The following SDC2 variants were observed in gnomAD, a reference collection of about 807,000 sequenced individuals.
The protein encoded by SDC2 is syndecan 2.
Under a neutral mutation model 22.2 loss-of-function variants are expected in SDC2, and 13 were observed. That is an observed-to-expected ratio of 0.59 (90% CI 0.38 to 0.93). The LOEUF is 0.93. Ranked by LOEUF, SDC2 falls within the 40% of genes least tolerant of loss-of-function variation. The pLI is 0.00. For missense variants in SDC2, 235 were observed against 246.8 expected (o/e 0.95, Z 0.32); for synonymous variants, 94 against 92.8 (o/e 1.01, Z -0.07).
At chr8:96,509,538 A>C (rs1813298015) in intron 1 of SDC2, among the ~76,000 whole-genome samples, 1 of 141,554 alleles carries the variant, frequency 7.1e-6, no homozygotes, top group Non-Finnish European at 1.6e-5. Flanking sequence ...CATATTCTCC[A>C]TCACGGGTTT....
chr8:96,532,592 G>A (rs1178804078), intron 1 of SDC2, among the ~76,000 whole-genome samples: 3 of 151,966 alleles, frequency 2.0e-5, no homozygotes, highest in Non-Finnish European at 4.4e-5. Flanking sequence ...TTAGACATTA[G>A]ACTAAGAATG....
intron 3 of SDC2, among the ~76,000 whole-genome samples, chr8:96,605,690 GC>G (rs1287738845): frequency 6.6e-6 from 1 of 152,120 alleles, no homozygotes. Flanking sequence ...AGGGTTTCTT[GC>G]AATTTGGGAA....
At chr8:96,581,577 A>G (rs2130606012) in intron 1 of SDC2, among the ~76,000 whole-genome samples, 1 of 152,060 alleles carries the variant, frequency 6.6e-6, no homozygotes, top group African/African-American at 2.4e-5. Flanking sequence ...GGTTGCAGTG[A>G]GCCGAGATTG....
chr8:96,540,369 G>T (rs1398097687), intron 1 of SDC2, among the ~76,000 whole-genome samples: 1 of 81,612 alleles, frequency 1.2e-5, no homozygotes, highest in Admixed American at 1.2e-4. Flanking sequence ...AATTAGTCGG[G>T]TGTGGCAGTG....
At chr8:96,536,781 T>C (rs546592586) in intron 1 of SDC2, among the ~76,000 whole-genome samples, 1 of 152,304 alleles carries the variant, frequency 6.6e-6, no homozygotes, top group Admixed American at 6.5e-5. Flanking sequence ...CCAGGTAGGA[T>C]AGGGAATTCT....
intron 1 of SDC2, among the ~76,000 whole-genome samples, chr8:96,589,834 G>C (rs975592789): frequency 2.0e-5 from 3 of 152,182 alleles, no homozygotes; most frequent in African/African-American, 7.2e-5. Context: ...AGACACGGAC[G>C]TGGGCAGTGA....
At chr8:96,512,550 T>C (rs1181411352) in intron 1 of SDC2, among the ~76,000 whole-genome samples, 1 of 152,138 alleles carries the variant, frequency 6.6e-6, no homozygotes, top group Non-Finnish European at 1.5e-5. Flanking sequence ...GAGAGACCTT[T>C]ACCTCACTCC....
At chr8:96,504,795 G>A (rs1171243651) in intron 1 of SDC2, among the ~76,000 whole-genome samples, 1 of 152,022 alleles carries the variant, frequency 6.6e-6, no homozygotes, top group East Asian at 1.9e-4. Context: ...TTTTTATTTT[G>A]TATTTTTTTT....
Position 96,494,119 on chromosome 8 carries a change from C to A in SDC2, c.-153C>A, listed in dbSNP as rs1345889211. 6 of 709,690 alleles carry A rather than the reference C, an allele frequency of 8.5e-6. No homozygotes were observed. Among genetic ancestry groups the A allele is most frequent in the Non-Finnish European group, 1.3e-5 (6 of 449,628 alleles). 44.0% of individuals were successfully genotyped at this position (709,690 alleles called of 1,614,324 possible). A position where few individuals can be genotyped will look rare whatever the true frequency, so the allele number is the denominator to read the frequency against. On this transcript the variant is annotated 5_prime_UTR_variant, in exon 1 of 5. Coordinates refer to ENST00000302190, the MANE Select transcript of SDC2 (RefSeq NM_002998.4). Reference sequence around the variant, plus strand: ...CGCAGGAGGAGGAAGCGAGCGCCCCCGAGCCCCGAGCCCGAGTCCCCGAGC... The same window carrying A: ...CGCAGGAGGAGGAAGCGAGCGCCCCAGAGCCCCGAGCCCGAGTCCCCGAGC...
intron 3 of SDC2, among the ~76,000 whole-genome samples, chr8:96,607,687 C>T (rs944595350): frequency 6.6e-5 from 10 of 151,918 alleles, no homozygotes; most frequent in African/African-American, 2.4e-4. Flanking sequence ...TGTCCGAGAC[C>T]CAGTGAGTGT....
At chr8:96,537,025 A>G (rs1276190767) in intron 1 of SDC2, among the ~76,000 whole-genome samples, 4 of 152,212 alleles carry the variant, frequency 2.6e-5, no homozygotes, top group Admixed American at 2.0e-4. Flanking sequence ...ATTTATCTAT[A>G]TTATAAAATG....
chr8:96,590,288 C>T (rs1418880125), intron 1 of SDC2, among the ~76,000 whole-genome samples: 4 of 152,190 alleles, frequency 2.6e-5, no homozygotes, highest in African/African-American at 4.8e-5. Context: ...TAAACAGCCT[C>T]GTTATGACAC....
Position 96,564,360 on chromosome 8 carries a change from G to A in SDC2, c.61-29120G>A, listed in dbSNP as rs575525670. ...TTGAGTACTTTCAACTTTGCAGGGG[G>A]ATGGGATGTCCAAGGGTGAATGTGA... On this transcript the variant is annotated intron_variant, in intron 1 of 4. Transcript: ENST00000302190. Among the ~76,000 whole-genome samples the A allele has an allele frequency of 7.2e-5, 11 of 152,328 alleles. No individual in the cohort carries two copies. In the East Asian group the frequency reaches 1.9e-3, roughly 27 times the overall value.
intron 3 of SDC2, among the ~76,000 whole-genome samples, chr8:96,607,597 C>T (rs1815102659): frequency 6.6e-6 from 1 of 152,156 alleles, no homozygotes; most frequent in Non-Finnish European, 1.5e-5. Flanking sequence ...CTGCAGGCTG[C>T]TGGCTTGTTG....
intron 1 of SDC2, among the ~76,000 whole-genome samples, chr8:96,519,793 A>G (rs1813466729): frequency 6.6e-6 from 1 of 151,888 alleles, no homozygotes; most frequent in Non-Finnish European, 1.5e-5. Context: ...ACCTCCACGC[A>G]TGGCTCGGTT....
At chr8:96,544,620 A>C (rs887969533) in intron 1 of SDC2, among the ~76,000 whole-genome samples, 7 of 151,908 alleles carry the variant, frequency 4.6e-5, no homozygotes, top group African/African-American at 1.5e-4. Context: ...ATTCCTCCCT[A>C]CAAGATTGTG....
intron 1 of SDC2, among the ~76,000 whole-genome samples, chr8:96,497,844 T>C (rs1285352561): frequency 1.3e-5 from 2 of 152,214 alleles, no homozygotes; most frequent in African/African-American, 4.8e-5. Flanking sequence ...AGATTGTCCT[T>C]CTTCCATTGC....
Position 96,495,121 on chromosome 8 carries a change from G to A in SDC2, c.60+790G>A, listed in dbSNP as rs531594160. ...TAGGAGTTACACGGGAGTGCCGCAA[G>A]CAGGGCGAGGCGGGGTACGTGTGAC... On this transcript the variant is annotated intron_variant, in intron 1 of 4. Transcript: ENST00000302190. Among the ~76,000 whole-genome samples, 11 of 152,264 alleles carry A rather than the reference G, an allele frequency of 7.2e-5. No individual in the cohort carries two copies. In the East Asian group the frequency reaches 1.9e-3, roughly 27 times the overall value.
At chr8:96,593,904 T>C (rs1026183576) in intron 2 of SDC2, among the ~76,000 whole-genome samples, 4 of 152,186 alleles carry the variant, frequency 2.6e-5, no homozygotes, top group African/African-American at 9.7e-5. Flanking sequence ...GCTTGGCACA[T>C]AGTGCTCTGT....
Sources: allele counts gnomAD v4.1 joint callset (sites outside exome capture counted in the v4.1 genomes callset), GRCh38; gene constraint gnomAD v4.1.1; transcripts MANE v1.5; gene names NCBI Gene and HGNC (gene_info 2026-07-23, HGNC 2026-07-21).